Variants in XBP1 observed in about 807,000 individuals in gnomAD.
XBP1 encodes the protein X-box-binding protein 1.
Under a neutral mutation model 34.6 loss-of-function variants are expected in XBP1, and 18 were observed. The observed-to-expected ratio is 0.52, with a 90% CI of 0.36 to 0.77. XBP1 has a LOEUF of 0.77. Ranked by LOEUF, XBP1 falls within the 30% of genes least tolerant of loss-of-function variation. The probability of loss-of-function intolerance (pLI) is 0.00; values close to 1 mark genes in which losing one functional copy is unlikely to be tolerated. For missense variants in XBP1, 422 were observed against 464.6 expected (o/e 0.91, Z 0.84); for synonymous variants, 191 against 193.4 (o/e 0.99, Z 0.11).
chr22:28,798,406 T>TC (rs1389845952), intron 2 of XBP1, among the ~76,000 whole-genome samples: 3 of 149,832 alleles, frequency 2.0e-5, no homozygotes, highest in African/African-American at 7.4e-5. Context: ...CCTCCTGGGT[T>TC]CAAGTGATTC....
Position 28,796,029 on chromosome 22 carries a change from A to G in XBP1, c.573+18T>C. 6.2e-7 allele frequency: 1 copy of G among 1,613,980 alleles called. No homozygotes were observed. ...TAACTGGTTATATAGCTCTTTAATA[A>G]GTCAGAATGATCCCTACCTCTGAAT... On this transcript the variant is annotated intron_variant, in intron 5 of 5. Coordinates refer to ENST00000344347, the Ensembl canonical transcript of XBP1.
chr22:28,794,996 C>A (rs2031716905), downstream of XBP1: 2 of 500,744 alleles, frequency 4.0e-6, no homozygotes, highest in Non-Finnish European at 3.4e-6. Context: ...ATACCTTGGA[C>A]TGCTGGATGT....
chr22:28,799,030 A>G (rs749671139), intron 2 of XBP1, 27 bp downstream of exon 2: 1 of 1,582,862 alleles, frequency 6.3e-7, no homozygotes, highest in South Asian at 1.1e-5. Flanking sequence ...ACAATGGATA[A>G]AAGAGTTTGA....
At chr22:28,799,025 G>C (rs369953632) in intron 2 of XBP1, 32 bp downstream of exon 2, 2 of 1,561,502 alleles carry the variant, frequency 1.3e-6, no homozygotes, top group East Asian at 4.5e-5. Flanking sequence ...GGTATACAAT[G>C]GATAAAAGAG....
At chr22:28,796,364 G>GAT in intron 3 of XBP1, 172 bp from the exon 4 acceptor site, 1 of 567,324 alleles carries the variant, frequency 1.8e-6, no homozygotes, top group Non-Finnish European at 2.8e-6. Flanking sequence ...AGCAAGATAA[G>GAT]ATATTTGCCA....
chr22:28,800,568 G>C (rs1320374953), upstream of XBP1: 7 of 1,459,998 alleles, frequency 4.8e-6, no homozygotes, highest in Non-Finnish European at 5.4e-6. Context: ...CAGCCGCCCA[G>C]CGCCCAGCCT....
At chr22:28,800,165 C>T (rs998110982) in intron 1 of XBP1, 133 bp downstream of exon 1, 12 of 1,098,688 alleles carry the variant, frequency 1.1e-5, no homozygotes, top group Non-Finnish European at 1.6e-5. Flanking sequence ...CACGCTGGCA[C>T]CGACCCGCCA....
intron 1 of XBP1, among the ~76,000 whole-genome samples, chr22:28,799,448 G>A (rs576338622): frequency 2.0e-5 from 3 of 152,230 alleles, no homozygotes; most frequent in Non-Finnish European, 4.4e-5. Context: ...GCATCATAAG[G>A]AACTTTCCTC....
At chr22:28,798,264 T>C (rs926458878) in intron 2 of XBP1, among the ~76,000 whole-genome samples, 1 of 150,264 alleles carries the variant, frequency 6.7e-6, no homozygotes, top group Non-Finnish European at 1.5e-5. Context: ...TCAACAAGCT[T>C]CACCACTTCA....
chr22:28,795,689 A>G (rs1334441820), exon 6 of XBP1: 1 of 1,568,288 alleles, frequency 6.4e-7, no homozygotes, highest in Non-Finnish European at 8.6e-7. Flanking sequence ...TTTGAAGAAC[A>G]TGACTGGGTC....
chr22:28,798,673 G>A (rs771300542), intron 2 of XBP1, among the ~76,000 whole-genome samples: 1 of 148,254 alleles, frequency 6.7e-6, no homozygotes, highest in Non-Finnish European at 1.5e-5. Flanking sequence ...GCAGTGGTGC[G>A]ATCTCAGCTC....
downstream of XBP1, chr22:28,794,881 T>C (rs916629394): frequency 1.2e-5 from 3 of 252,430 alleles, no homozygotes; most frequent in Admixed American, 5.4e-5. Flanking sequence ...CCTTACATAA[T>C]AAGTATTTTA....
chr22:28,800,203 C>A, intron 1 of XBP1, 95 bp downstream of exon 1: 2 of 1,381,948 alleles, frequency 1.4e-6, no homozygotes, highest in South Asian at 1.3e-5. Context: ...CCCTGCGGGG[C>A]GGCCAGTGCT....
At chr22:28,797,296 T>C (rs2031768904) in intron 2 of XBP1, 91 bp from the exon 3 acceptor site, 1 of 1,443,948 alleles carries the variant, frequency 6.9e-7, no homozygotes, top group Non-Finnish European at 9.4e-7. Flanking sequence ...CCTTTCCTTC[T>C]TGAACTTTTG....
chr22:28,795,107 C>G (rs2031719196), downstream of XBP1: 4 of 1,427,776 alleles, frequency 2.8e-6, no homozygotes, highest in Non-Finnish European at 2.8e-6. Context: ...GAAGTACAGA[C>G]AGGCTTCTCT....
In XBP1 at chr22:28,796,034, G is replaced by A; in HGVS notation, c.573+13C>T. ...GGTTATATAGCTCTTTAATAAGTCA[G>A]AATGATCCCTACCTCTGAATCTGAA... is the stretch of plus-strand genomic sequence containing the variant. On this transcript the variant is annotated intron_variant, in intron 5 of 5. Coordinates refer to ENST00000344347, the Ensembl canonical transcript of XBP1. The A allele has an allele frequency of 6.2e-7, 1 of 1,614,064 alleles. No homozygotes were observed. The highest frequency in any genetic ancestry group is 8.5e-7 in the Non-Finnish European group (1 of 1,179,924).
intron 3 of XBP1, 173 bp downstream of exon 3, chr22:28,796,904 A>AGT: frequency 1.5e-6 from 1 of 670,866 alleles, no homozygotes; most frequent in South Asian, 2.2e-5. Context: ...TTAAAAAATG[A>AGT]GTGTCAAGTG....
chr22:28,796,738 G>T, intron 3 of XBP1: 1 of 185,490 alleles, frequency 5.4e-6, no homozygotes, highest in Non-Finnish European at 1.1e-5. Flanking sequence ...TTTAATTTTA[G>T]TAGCGTTCAA....
exon 6 of XBP1, chr22:28,795,184 A>C (rs1309393814): frequency 2.0e-6 from 3 of 1,509,724 alleles, no homozygotes; most frequent in Non-Finnish European, 1.8e-6. Context: ...CTTAGACACT[A>C]ATCAGCTGGG....
Sources: gnomAD v4.1 joint callset for allele counts (sites outside exome capture counted in the v4.1 genomes callset) on GRCh38, gnomAD v4.1.1 for gene constraint, MANE v1.5 for transcripts, NCBI Gene and HGNC (gene_info 2026-07-23, HGNC 2026-07-21) for gene names.